Variants in TXNDC11 observed in about 807,000 individuals in gnomAD.
TXNDC11 encodes thioredoxin domain-containing protein 11.
A neutral mutation model predicts 78.0 loss-of-function variants in TXNDC11; 68 were observed. That is an observed-to-expected ratio of 0.87 (90% confidence interval 0.72 to 1.07). The LOEUF is 1.07. TXNDC11 is among the 50% of genes least tolerant of loss of function. The pLI is 0.00. For synonymous variants in TXNDC11, 571 were observed against 495.2 expected, an observed-to-expected ratio of 1.15 and a Z score of -2.03; for missense variants, 1,389 against 1,221.8, an observed-to-expected ratio of 1.14 and a Z score of -2.04.
chr16:11,709,335 C>G (rs1183225218), intron 5 of TXNDC11, among the ~76,000 whole-genome samples: 1 of 151,428 alleles, frequency 6.6e-6, no homozygotes, highest in Non-Finnish European at 1.5e-5. Flanking sequence ...TCACTGCAAC[C>G]TCTGCCTCCC....
At chr16:11,740,992 G>A (rs1039880169) in intron 1 of TXNDC11, among the ~76,000 whole-genome samples, 4 of 140,048 alleles carry the variant, frequency 2.9e-5, no homozygotes, top group Non-Finnish European at 6.3e-5. Context: ...TGTGGGGTGT[G>A]CTACTGGTAT....
At chr16:11,686,817 G>GGGT (rs1567293407) in intron 10 of TXNDC11, among the ~76,000 whole-genome samples, 4 of 152,194 alleles carry the variant, frequency 2.6e-5, no homozygotes, top group African/African-American at 9.7e-5. Context: ...GGGGAGGCTG[G>GGGT]AGTATGAATG....
chr16:11,723,324 C>T (rs1017406842), intron 4 of TXNDC11, among the ~76,000 whole-genome samples: 2 of 151,684 alleles, frequency 1.3e-5, no homozygotes, highest in Non-Finnish European at 2.9e-5. Flanking sequence ...CTGGCTCACG[C>T]CTGTAATCCC....
chr16:11,740,439 G>T (rs544155955), intron 1 of TXNDC11, among the ~76,000 whole-genome samples: 4 of 152,182 alleles, frequency 2.6e-5, no homozygotes, highest in Non-Finnish European at 4.4e-5. Flanking sequence ...CTAGTAACTG[G>T]ATTTACTCTC....
In TXNDC11 at chr16:11,691,559, T is replaced by G; in HGVS notation, c.1631A>C (p.Asp544Ala). Residue 544 changes from aspartate to alanine, a missense_variant, in exon 8 of 12, where the codon GAT (aspartate) becomes GCT (alanine). Asp to Ala is a moderately radical substitution (Grantham distance 126, BLOSUM62 -2). Transcript: ENST00000283033. ...FSSLEKKCEV[D>A]APSSVPHIEE... The stretch of plus-strand genomic sequence containing the variant: ...AATGTGAGGAACGGAGCTTGGGGCA[T>G]CAACCTCACATTTCTTCTCAAGGGA... 6.2e-7 allele frequency: 1 copy of G among 1,614,244 alleles called. No individual in the cohort carries two copies.
At chr16:11,741,822 C>T (rs2052403816) in intron 1 of TXNDC11, 1 of 152,176 alleles carries the variant, frequency 6.6e-6, no homozygotes, top group African/African-American at 2.4e-5. Flanking sequence ...CACGTGAGGT[C>T]AGGAGTTCGA....
intron 1 of TXNDC11, among the ~76,000 whole-genome samples, chr16:11,737,173 G>A (rs182827307): frequency 6.3e-4 from 96 of 152,242 alleles, no homozygotes; most frequent in African/African-American, 2.2e-3. Flanking sequence ...GAGACCAGGC[G>A]TGGTGACTCA....
At chr16:11,712,835 C>T (rs1315111039) in intron 5 of TXNDC11, among the ~76,000 whole-genome samples, 1 of 151,636 alleles carries the variant, frequency 6.6e-6, no homozygotes, top group Non-Finnish European at 1.5e-5. Flanking sequence ...CGCCTGTAAT[C>T]CCGGCACTTT....
At chr16:11,706,992 C>T (rs35902600) in intron 5 of TXNDC11, among the ~76,000 whole-genome samples, 71,376 of 151,964 alleles carry the variant, frequency 0.47, 17,062 homozygotes, top group Middle Eastern at 0.57. Flanking sequence ...TACAGGCAGG[C>T]TCTGAAGGGC....
intron 1 of TXNDC11, among the ~76,000 whole-genome samples, chr16:11,737,048 G>C (rs2052242291): frequency 6.6e-6 from 1 of 152,120 alleles, no homozygotes; most frequent in African/African-American, 2.4e-5. Context: ...AACCATTAGG[G>C]CAGCTTTGCT....
intron 5 of TXNDC11, among the ~76,000 whole-genome samples, chr16:11,710,633 T>G (rs2051323220): frequency 6.6e-6 from 1 of 152,130 alleles, no homozygotes; most frequent in South Asian, 2.1e-4. Flanking sequence ...GTGGACTGCT[T>G]GAGCCCAGGA....
At position 11,691,740 on chromosome 16, in the gene TXNDC11, G is replaced by A. The variant is rs2050722773; in HGVS notation, c.1450C>T (p.His484Tyr). 2.5e-6 allele frequency: 4 copies of A among 1,614,234 alleles called. No individual in the cohort carries two copies. The highest frequency in any genetic ancestry group is 3.3e-5 in the Admixed American group (2 of 60,028). Reference protein sequence around the residue: ...SFYLKEQTFYHVASDSIECSN... With the variant: ...SFYLKEQTFYYVASDSIECSN... ...CATTCTATGCTGTCTGATGCCACAT[G>A]ATAAAAGGTCTGCTCCTTGAGGTAG... The change falls in exon 8 of 12, where the codon CAT becomes TAT. Residue 484 changes from histidine (H) to tyrosine (Y), a missense_variant. Transcript: ENST00000283033.
chr16:11,725,824 G>C (rs1162565286), intron 4 of TXNDC11, among the ~76,000 whole-genome samples: 2 of 152,176 alleles, frequency 1.3e-5, no homozygotes, highest in African/African-American at 4.8e-5. Flanking sequence ...TGATGTTTAA[G>C]TAACTTAAAG....
intron 5 of TXNDC11, among the ~76,000 whole-genome samples, chr16:11,714,778 C>G (rs1411952894): frequency 1.3e-5 from 2 of 152,146 alleles, no homozygotes; most frequent in Non-Finnish European, 2.9e-5. Flanking sequence ...TGGTGGAGTA[C>G]AGGGACACTA....
intron 5 of TXNDC11, among the ~76,000 whole-genome samples, chr16:11,707,017 G>A (rs1019432147): frequency 6.6e-6 from 1 of 152,148 alleles, no homozygotes; most frequent in Non-Finnish European, 1.5e-5. Context: ...TGTGGGACTT[G>A]AGTATGCAAA....
At chr16:11,728,102 G>T (rs375115695) in intron 4 of TXNDC11, among the ~76,000 whole-genome samples, 1 of 152,138 alleles carries the variant, frequency 6.6e-6, no homozygotes, top group Non-Finnish European at 1.5e-5. Flanking sequence ...AAAGCTTACT[G>T]TGTTCTACTC....
At position 11,698,254 on chromosome 16, in the gene TXNDC11, C is replaced by T. The variant is rs142448816; in HGVS notation, c.978G>A (p.Thr326=). Residue 326 remains threonine (T), a synonymous_variant, in exon 7 of 12, where the codon ACG becomes ACA. Coordinates refer to ENST00000283033, the MANE Select transcript of TXNDC11 (RefSeq NM_015914.7). Reference sequence around the variant, plus strand: ...CGTGTGGCCGCAGCCACCGAAAGAGCGTCTCCTGGTTTTCTAAGGCCCACT... The same window carrying T: ...CGTGTGGCCGCAGCCACCGAAAGAGTGTCTCCTGGTTTTCTAAGGCCCACT... ...ICKWALENQE[T]LFRWLRPHGG... is the part of the protein sequence containing the mutation. The T allele has an allele frequency of 9.3e-6, 15 of 1,614,076 alleles. No homozygotes were observed. The highest frequency in any genetic ancestry group is 8.8e-5 in the South Asian group (8 of 91,094).
In TXNDC11 at chr16:11,691,952, G is replaced by T; in HGVS notation, c.1238C>A (p.Pro413Gln). 6.2e-7 allele frequency: 1 copy of T among 1,611,204 alleles called. No homozygotes were observed. The highest frequency in any genetic ancestry group is 1.3e-5 in the African/African-American group (1 of 75,034). ...GGACGCTGTGATCGTTGGCGGGTCT[G>T]GCAGCTGTGCCGGCACTTCCAGGGC... ...SLALEVPAQL[P>Q]DPPTITASPC... The change falls in exon 8 of 12, where the codon CCA becomes CAA. Residue 413 changes from proline to glutamine, a missense_variant. Transcript: ENST00000283033.
chr16:11,680,770 G>A (rs1392915610), intron 11 of TXNDC11, among the ~76,000 whole-genome samples: 3 of 152,242 alleles, frequency 2.0e-5, no homozygotes, highest in East Asian at 3.9e-4. Context: ...CACTGGACCC[G>A]GCCGTAAATT....
Sources: gnomAD v4.1 joint callset for allele counts (sites outside exome capture counted in the v4.1 genomes callset) on GRCh38, gnomAD v4.1.1 for gene constraint, MANE v1.5 for transcripts, NCBI Gene and HGNC (gene_info 2026-07-23, HGNC 2026-07-21) for gene names.